USP6NL: variants seen among roughly 807,000 people sequenced by gnomAD.
USP6NL encodes USP6 N-terminal-like protein.
Under a neutral mutation model 61.9 loss-of-function variants are expected in USP6NL, and 26 were observed. The ratio of observed to expected loss-of-function variants is 0.42; its 90% CI spans 0.31 to 0.58. The LOEUF (loss-of-function observed/expected upper bound fraction) is 0.58, where lower values mean the gene tolerates loss of function less well. Ranked by LOEUF, USP6NL falls within the 20% of genes least tolerant of loss-of-function variation. The pLI is 0.16. For missense variants in USP6NL, 1,114 were observed against 1,034.3 expected (o/e 1.08, Z -1.06); for synonymous variants, 432 against 390.1 (o/e 1.11, Z -1.27).
Position 11,463,708 on chromosome 10 carries a change from G to T in USP6NL, c.1220C>A (p.Ala407Glu). Residue 407 changes from alanine to glutamate, a missense_variant, in exon 15 of 15, where the codon GCG becomes GAG. Physicochemically the swap from Ala to Glu is moderately radical, Grantham distance 107 (BLOSUM62 -1). Transcript: ENST00000609104. The surrounding 1 kb of genome is among the most constrained non-coding windows in gnomAD (Gnocchi z 6.3). The stretch of plus-strand genomic sequence containing the variant: ...GGAGTGCTCGTGCCTCCTGTGGGGC[G>T]CCCCGCTCTCCCTCCTGCCGCTGGC... ...PLASGRRESG[A>E]PHRRHEHSPH... is the part of the protein sequence containing the mutation. 6.2e-7 allele frequency: 1 copy of T among 1,611,450 alleles called. No individual in the cohort carries two copies. Among genetic ancestry groups the T allele is most frequent in the Non-Finnish European group, 8.5e-7 (1 of 1,178,518 alleles).
intron 2 of USP6NL, among the ~76,000 whole-genome samples, chr10:11,588,667 C>T (rs1007858667): frequency 2.6e-5 from 4 of 152,002 alleles, no homozygotes; most frequent in African/African-American, 9.7e-5. Context: ...TATATTCCAT[C>T]AGAATGCAGC....
At chr10:11,545,491 C>A (rs911159906) in intron 2 of USP6NL, among the ~76,000 whole-genome samples, 7 of 152,178 alleles carry the variant, frequency 4.6e-5, no homozygotes, top group African/African-American at 1.7e-4. Flanking sequence ...AGCAGACCAG[C>A]CCAGAGAAAC....
chr10:11,591,893 A>G lies in USP6NL; in HGVS notation c.4+5738T>C, dbSNP rs767589191. Among the ~76,000 whole-genome samples, 1 of 152,138 alleles carries G rather than the reference A, an allele frequency of 6.6e-6. No homozygotes were observed. The highest frequency in any genetic ancestry group is 6.5e-5 in the Admixed American group (1 of 15,268). On this transcript the variant is annotated intron_variant, in intron 2 of 14. Transcript: ENST00000609104. This position sits in a 1 kb window ranked among gnomAD's most constrained non-coding sequence, Gnocchi z 4.7. ...AAGAATTACTCTTTTTATTTTTGAGACAGTCTCACTCTGTCGCCTGGGCTG... is the reference window on the plus strand; with the variant it reads ...AAGAATTACTCTTTTTATTTTTGAGGCAGTCTCACTCTGTCGCCTGGGCTG...
intron 14 of USP6NL, among the ~76,000 whole-genome samples, chr10:11,475,687 G>A (rs901617944): frequency 2.0e-5 from 3 of 150,550 alleles, no homozygotes; most frequent in Middle Eastern, 3.5e-3. Flanking sequence ...ATATAGGCAA[G>A]GATTATCAAT....
intron 1 of USP6NL, among the ~76,000 whole-genome samples, chr10:11,599,102 A>G (rs557802759): frequency 7.9e-5 from 12 of 152,362 alleles, no homozygotes; most frequent in Non-Finnish European, 1.8e-4. Context: ...CTCACAAGAA[A>G]TATACTTTCT....
intron 2 of USP6NL, among the ~76,000 whole-genome samples, chr10:11,549,250 A>C (rs1264077529): frequency 6.6e-6 from 1 of 152,184 alleles, no homozygotes; most frequent in African/African-American, 2.4e-5. Context: ...TTTTACGATA[A>C]AAAGAACAAC....
chr10:11,463,973 ACT>A lies in USP6NL; in HGVS notation c.1079-126_1079-125del, dbSNP rs1301000893. The stretch of plus-strand genomic sequence containing the variant: ...ACAGATACACGCTGACATACAACAC[ACT>A]GTCATACAACACACTGTTTATACCA... On this transcript the variant is annotated intron_variant, in intron 14 of 14. Coordinates refer to ENST00000609104, the MANE Select transcript of USP6NL (RefSeq NM_014688.5). The surrounding 1 kb of genome is among the most constrained non-coding windows in gnomAD (Gnocchi z 6.3). 3 of 901,804 alleles carry A rather than the reference ACT, an allele frequency of 3.3e-6. No individual in the cohort carries two copies. The African/African-American group carries it at 5.1e-5, about 15-fold the overall frequency. 55.9% of individuals were successfully genotyped at this position (901,804 alleles called of 1,614,324 possible).
chr10:11,543,972 C>T (rs947548036), intron 2 of USP6NL, among the ~76,000 whole-genome samples: 1 of 151,606 alleles, frequency 6.6e-6, no homozygotes, highest in Non-Finnish European at 1.5e-5. Flanking sequence ...CTACCACGCC[C>T]GGCTATTTTT....
Position 11,597,880 on chromosome 10 carries a change from G to A in USP6NL, c.-83-163C>T, listed in dbSNP as rs1442319925. Among the ~76,000 whole-genome samples, 1 of 152,168 alleles carries A rather than the reference G, an allele frequency of 6.6e-6. No homozygotes were observed. Among genetic ancestry groups the A allele is most frequent in the Non-Finnish European group, 1.5e-5 (1 of 68,014 alleles). On this transcript the variant is annotated intron_variant, in intron 1 of 14. Transcript: ENST00000609104. This position sits in a 1 kb window ranked among gnomAD's most constrained non-coding sequence, Gnocchi z 4.6. Reference sequence around the variant, plus strand: ...ATAAAAGATTATTAATCAACTTTTAGAATATCCTGTTGAATTCGTGTTTTC... The same window carrying A: ...ATAAAAGATTATTAATCAACTTTTAAAATATCCTGTTGAATTCGTGTTTTC...
Position 11,491,272 on chromosome 10 carries a change from G to A in USP6NL, c.495-392C>T, listed in dbSNP as rs1237820391. Among the ~76,000 whole-genome samples the A allele has an allele frequency of 6.6e-6, 1 of 152,134 alleles. No homozygotes were observed. The highest frequency in any genetic ancestry group is 1.5e-5 in the Non-Finnish European group (1 of 68,020). On this transcript the variant is annotated intron_variant, in intron 8 of 14. Transcript: ENST00000609104. This position sits in a 1 kb window ranked among gnomAD's most constrained non-coding sequence, Gnocchi z 4.7. ...CCTGCAGGGAAAGGGTGATGTCCTT[G>A]GGATGCTGAATATGCTCCATATCAG...
rs1016842782 is a variant in USP6NL, at chr10:11,510,166, T to A, written c.196-491A>T. Among the ~76,000 whole-genome samples the A allele has an allele frequency of 2.0e-5, 3 of 152,028 alleles. No homozygotes were observed. The highest frequency in any genetic ancestry group is 6.6e-5 in the Admixed American group (1 of 15,244). ...GCTAGAGGGAAACTATTAAAAAAAA[T>A]AAAACTAAGTACTAGTTGCTGCCCT... On this transcript the variant is annotated intron_variant, in intron 5 of 14. Coordinates refer to ENST00000609104, the MANE Select transcript of USP6NL (RefSeq NM_014688.5). The surrounding 1 kb of genome is among the most constrained non-coding windows in gnomAD (Gnocchi z 4.8).
chr10:11,580,557 T>C (rs1837721286), intron 2 of USP6NL, among the ~76,000 whole-genome samples: 1 of 152,158 alleles, frequency 6.6e-6, no homozygotes, highest in Non-Finnish European at 1.5e-5. Flanking sequence ...AAAAATTGCA[T>C]TCTAGACAAG....
chr10:11,598,887 C>T lies in USP6NL; in HGVS notation c.-83-1170G>A, dbSNP rs540486391. ...CAGCACTTACGTGCCCAGCATGGCC[C>T]GCACACTGTAATTAGCATGGCATAG... On this transcript the variant is annotated intron_variant, in intron 1 of 14. Transcript: ENST00000609104. The surrounding 1 kb of genome is among the most constrained non-coding windows in gnomAD (Gnocchi z 4.7). 5.9e-5 allele frequency among the ~76,000 whole-genome samples: 9 copies of T among 152,206 alleles called. No homozygotes were observed. Among genetic ancestry groups the T allele is most frequent in the Admixed American group, 5.9e-4 (9 of 15,290 alleles).
rs546973261 is a variant in USP6NL, at chr10:11,562,035, C to T, written c.5-34468G>A. On this transcript the variant is annotated intron_variant, in intron 2 of 14. Coordinates refer to ENST00000609104, the MANE Select transcript of USP6NL (RefSeq NM_014688.5). The surrounding 1 kb of genome is among the most constrained non-coding windows in gnomAD (Gnocchi z 4.8). ...TTTGCTCATGCCTGTAATCCCAGCA[C>T]TTTGTGAGGCCAAGGCAGGCAGATC... 1.3e-5 allele frequency among the ~76,000 whole-genome samples: 2 copies of T among 152,170 alleles called. No homozygotes were observed. Among genetic ancestry groups the T allele is most frequent in the South Asian group, 2.1e-4 (1 of 4,820 alleles).
rs142713074 is a variant in USP6NL at position 11,492,353 on chromosome 10, T to C, written c.494+766A>G. On this transcript the variant is annotated intron_variant, in intron 8 of 14. Coordinates refer to ENST00000609104, the MANE Select transcript of USP6NL (RefSeq NM_014688.5). ...GATCTAGGTGTCACTGGGAACGTAT[T>C]TTGTAGACTGATAAAAATCCATAAT... 2.6e-5 allele frequency among the ~76,000 whole-genome samples: 4 copies of C among 152,312 alleles called. No individual in the cohort carries two copies. The East Asian group carries it at 7.7e-4, about 29-fold the overall frequency.
chr10:11,481,975 G>A lies in USP6NL; in HGVS notation c.926-53C>T. The A allele has an allele frequency of 3.3e-6, 5 of 1,520,606 alleles. No homozygotes were observed. Among genetic ancestry groups the A allele is most frequent in the Non-Finnish European group, 4.4e-6 (5 of 1,132,696 alleles). 94.2% of individuals were successfully genotyped at this position (1,520,606 alleles called of 1,614,324 possible). A position where few individuals can be genotyped will look rare whatever the true frequency, so the allele number is the denominator to read the frequency against. ...GCCAAGTCAATAGCTACTTTAGGTAGGAAGATATTCTATTATATTCAGGTG... is the reference window on the plus strand; with the variant it reads ...GCCAAGTCAATAGCTACTTTAGGTAAGAAGATATTCTATTATATTCAGGTG... On this transcript the variant is annotated intron_variant, in intron 13 of 14. Coordinates refer to ENST00000609104, the MANE Select transcript of USP6NL (RefSeq NM_014688.5). This position sits in a 1 kb window ranked among gnomAD's most constrained non-coding sequence, Gnocchi z 4.4.
Position 11,591,896 on chromosome 10 carries a change from G to A in USP6NL, c.4+5735C>T, listed in dbSNP as rs952367454. ...AATTACTCTTTTTATTTTTGAGACA[G>A]TCTCACTCTGTCGCCTGGGCTGGAG... On this transcript the variant is annotated intron_variant, in intron 2 of 14. Coordinates refer to ENST00000609104, the MANE Select transcript of USP6NL (RefSeq NM_014688.5). This position sits in a 1 kb window ranked among gnomAD's most constrained non-coding sequence, Gnocchi z 4.7. Among the ~76,000 whole-genome samples, 3 of 152,146 alleles carry A rather than the reference G, an allele frequency of 2.0e-5. No individual in the cohort carries two copies. Among genetic ancestry groups the A allele is most frequent in the Admixed American group, 6.5e-5 (1 of 15,274 alleles).
At chr10:11,486,829 C>G (rs1833490236) in intron 10 of USP6NL, among the ~76,000 whole-genome samples, 1 of 152,170 alleles carries the variant, frequency 6.6e-6, no homozygotes, top group Non-Finnish European at 1.5e-5. Flanking sequence ...CTTATGTGAT[C>G]TTGGAGTCCA....
rs1837376012 is a variant in USP6NL, at chr10:11,571,846, A to G, written c.4+25785T>C. Among the ~76,000 whole-genome samples, 3 of 150,998 alleles carry G rather than the reference A, an allele frequency of 2.0e-5. No individual in the cohort carries two copies. The South Asian group carries it at 6.3e-4, about 31-fold the overall frequency. The stretch of plus-strand genomic sequence containing the variant: ...AAGCAAGCTTCTAAGAAAAAAATCT[A>G]TGTATATACTTCCTGTTTTTCACAA... On this transcript the variant is annotated intron_variant, in intron 2 of 14. Coordinates refer to ENST00000609104, the MANE Select transcript of USP6NL (RefSeq NM_014688.5).
Sources: gnomAD v4.1 joint callset for allele counts (sites outside exome capture counted in the v4.1 genomes callset) on GRCh38, gnomAD v4.1.1 for gene constraint, Gnocchi (gnomAD v3.1) non-coding constraint, MANE v1.5 for transcripts, NCBI Gene and HGNC (gene_info 2026-07-23, HGNC 2026-07-21) for gene names.